SSU72: variants seen among roughly 807,000 people sequenced by gnomAD.
SSU72 encodes SSU72 homolog, RNA polymerase II CTD phosphatase, also known as RNA polymerase II subunit A C-terminal domain phosphatase SSU72.
A neutral mutation model predicts 22.7 loss-of-function variants in SSU72; 12 were observed. The ratio of observed to expected loss-of-function variants is 0.53; its 90% CI spans 0.34 to 0.86. SSU72 has a LOEUF of 0.86. Among genes scored for constraint, SSU72 ranks in the 40% least tolerant of loss-of-function variants. SSU72 has a pLI of 0.02. For missense variants in SSU72, 151 were observed against 249.8 expected (o/e 0.60, Z 2.67); for synonymous variants, 116 against 98.3 (o/e 1.18, Z -1.06).
rs904208610 is a variant in SSU72, at chr1:1,554,081, C to T, written c.225-9079G>A. Among the ~76,000 whole-genome samples the T allele has an allele frequency of 3.3e-5, 5 of 152,160 alleles. No individual in the cohort carries two copies. The highest frequency in any genetic ancestry group is 4.1e-4 in the South Asian group (2 of 4,834). On this transcript the variant is annotated intron_variant, in intron 2 of 4. Coordinates refer to ENST00000291386, the MANE Select transcript of SSU72 (RefSeq NM_014188.3). This position sits in a 1 kb window ranked among gnomAD's most constrained non-coding sequence, Gnocchi z 4.1. ...AGTGGCCAGGGCCTCTAAAGAGAAA[C>T]GAGGAGGAAGTGCAGCTCCAGGGAG...
intron 2 of SSU72, among the ~76,000 whole-genome samples, chr1:1,548,222 A>G (rs1327479005): frequency 6.6e-6 from 1 of 152,194 alleles, no homozygotes; most frequent in Non-Finnish European, 1.5e-5. Flanking sequence ...GCCATGAAAC[A>G]GAGGCACACA....
At chr1:1,549,131 T>C (rs115939693) in intron 2 of SSU72, among the ~76,000 whole-genome samples, 2,185 of 152,186 alleles carry the variant, frequency 0.014, 56 homozygotes, top group South Asian at 0.017. Context: ...CAGAATCACG[T>C]TAAAATTCTG....
At chr1:1,565,201 G>A (rs1187305994) in intron 1 of SSU72, among the ~76,000 whole-genome samples, 6 of 152,130 alleles carry the variant, frequency 3.9e-5, no homozygotes, top group Non-Finnish European at 8.8e-5. Context: ...GTGAAAACCC[G>A]TCTCTACTAA....
In SSU72 at chr1:1,544,766, C is replaced by CTA. The variant is rs745644256; in HGVS notation, c.364+95_364+96dup. On this transcript the variant is annotated intron_variant, in intron 3 of 4. Coordinates refer to ENST00000291386, the MANE Select transcript of SSU72 (RefSeq NM_014188.3). ...GGTCTGCTCCCCGGCCCCCGCCACT[C>CTA]TAGACGGGCTGTACTGGTCATGGTG... 4.8e-5 allele frequency: 76 copies of CTA among 1,579,062 alleles called. No individual in the cohort carries two copies. The African/African-American group carries it at 8.3e-4, about 17-fold the overall frequency.
rs1642632288 is a variant in SSU72 at position 1,564,380 on chromosome 1, T to C, written c.224+393A>G. 12 of 1,243,232 alleles carry C rather than the reference T, an allele frequency of 9.7e-6. No homozygotes were observed. In the South Asian group the frequency reaches 1.7e-4, roughly 17 times the overall value. The allele number at this position is 1,243,232 out of a possible 1,614,324, so 77.0% of individuals were successfully genotyped here. On this transcript the variant is annotated intron_variant, in intron 2 of 4. Coordinates refer to ENST00000291386, the MANE Select transcript of SSU72 (RefSeq NM_014188.3). ...GTGTGAAGCAGCCCGGCTCCATGTG[T>C]ATCAGGCACGCACGCACACACGCAC...
At chr1:1,564,363 C>T in intron 2 of SSU72, 1 of 1,078,010 alleles carries the variant, frequency 9.3e-7, no homozygotes. Context: ...ATGTGTGAAG[C>T]AGCCCGGCTC....
At chr1:1,574,353 G>C (rs1246106867) in intron 1 of SSU72, 125 bp downstream of exon 1, 4 of 1,011,434 alleles carry the variant, frequency 4.0e-6, no homozygotes, top group Non-Finnish European at 5.7e-6. Flanking sequence ...CCAACCAGCC[G>C]ACCCACGAGC....
intron 1 of SSU72, among the ~76,000 whole-genome samples, chr1:1,571,064 T>C (rs981207357): frequency 1.3e-5 from 2 of 151,676 alleles, no homozygotes; most frequent in Non-Finnish European, 1.5e-5. Flanking sequence ...GCCAACACGG[T>C]GAAACCCTGA....
chr1:1,544,039 G>A (rs1009722386), intron 3 of SSU72, 52 bp from the exon 4 acceptor site: 1 of 1,426,648 alleles, frequency 7.0e-7, no homozygotes. Context: ...CCAGGGAACA[G>A]GCAGTCAATG....
chr1:1,566,520 G>A (rs1642663155), intron 1 of SSU72, among the ~76,000 whole-genome samples: 1 of 152,126 alleles, frequency 6.6e-6, no homozygotes, highest in South Asian at 2.1e-4. Flanking sequence ...GAGCAAGAAT[G>A]ACACACAGAC....
At chr1:1,543,285 C>G (rs944840854) in intron 4 of SSU72, among the ~76,000 whole-genome samples, 2 of 152,196 alleles carry the variant, frequency 1.3e-5, no homozygotes, top group African/African-American at 2.4e-5. Context: ...TCCAGGCTCA[C>G]GTGGGGCACA....
chr1:1,551,581 G>A (rs1364767468), intron 2 of SSU72, among the ~76,000 whole-genome samples: 1 of 152,178 alleles, frequency 6.6e-6, no homozygotes. Flanking sequence ...CATCCCCACT[G>A]GTCAGGGAGG....
Position 1,543,917 on chromosome 1 carries a change from G to T in SSU72, c.435C>A (p.His145Gln). The T allele has an allele frequency of 6.2e-7, 1 of 1,614,038 alleles. No individual in the cohort carries two copies. Among genetic ancestry groups the T allele is most frequent in the Non-Finnish European group, 8.5e-7 (1 of 1,179,976 alleles). The change falls in exon 4 of 5, where the codon CAC becomes CAA. Residue 145 changes from histidine (H) to glutamine (Q), a missense_variant. Physicochemically the swap from His to Gln is conservative, Grantham distance 24. Transcript: ENST00000291386. ...GAAACGCCCCCAGGGTGGCCTCCTC[G>T]TGGTTGTCCTGGATGTCCACATTGA... The part of the protein sequence containing the change: ...HVVNVDIQDN[H>Q]EEATLGAFLI...
At position 1,544,846 on chromosome 1, in the gene SSU72, C is replaced by T. The variant is rs116703397; in HGVS notation, c.364+17G>A. ...AGAGCTGCTGGAGCCCAGCCCAGCA[C>T]GCAGCCGCCTCCTCACCTTCCACCA... On this transcript the variant is annotated intron_variant, in intron 3 of 4. Coordinates refer to ENST00000291386, the MANE Select transcript of SSU72 (RefSeq NM_014188.3). 73,656 of 1,613,988 alleles carry T rather than the reference C, an allele frequency of 0.046. 3,288 individuals carry two copies. The highest frequency in any genetic ancestry group is 0.23 in the Admixed American group (13,834 of 60,018).
At chr1:1,546,387 T>G (rs1315801852) in intron 2 of SSU72, 1 of 152,228 alleles carries the variant, frequency 6.6e-6, no homozygotes, top group Non-Finnish European at 1.5e-5. Flanking sequence ...TGTCTCCTCC[T>G]GCACATTGGA....
At chr1:1,545,085 C>G in intron 2 of SSU72, 83 bp from the exon 3 acceptor site, 1 of 1,514,774 alleles carries the variant, frequency 6.6e-7, no homozygotes, top group Non-Finnish European at 9.0e-7. Flanking sequence ...ACACCCAGCC[C>G]CTTCCCTGCC....
At chr1:1,565,627 G>A (rs1048750205) in intron 1 of SSU72, among the ~76,000 whole-genome samples, 1 of 152,244 alleles carries the variant, frequency 6.6e-6, no homozygotes, top group Non-Finnish European at 1.5e-5. Context: ...ACACCCCCAC[G>A]ATGTGGCTCC....
chr1:1,545,337 G>A (rs1642377606), intron 2 of SSU72: 1 of 291,996 alleles, frequency 3.4e-6, no homozygotes, highest in South Asian at 4.4e-5. Context: ...GGCCCAAGCT[G>A]CCCTTGGCCT....
chr1:1,542,526 A>C lies in SSU72; in HGVS notation c.484-359T>G, dbSNP rs1020086874. On this transcript the variant is annotated intron_variant, in intron 4 of 4. Coordinates refer to ENST00000291386, the MANE Select transcript of SSU72 (RefSeq NM_014188.3). This position sits in a 1 kb window ranked among gnomAD's most constrained non-coding sequence, Gnocchi z 4.4. ...CCGCCAGCGCTTCCACACCACCAAC[A>C]AGCGAGCGGGGGCAGCCTGGTCATC... Among the ~76,000 whole-genome samples, 1 of 151,870 alleles carries C rather than the reference A, an allele frequency of 6.6e-6. No individual in the cohort carries two copies. The highest frequency in any genetic ancestry group is 2.4e-5 in the African/African-American group (1 of 41,342).
Sources: gnomAD v4.1 joint callset for allele counts (sites outside exome capture counted in the v4.1 genomes callset) on GRCh38, gnomAD v4.1.1 for gene constraint, Gnocchi (gnomAD v3.1) non-coding constraint, MANE v1.5 for transcripts, NCBI Gene and HGNC (gene_info 2026-07-23, HGNC 2026-07-21) for gene names.